VPS13B: variants seen among roughly 807,000 people sequenced by gnomAD.
The protein encoded by VPS13B is intermembrane lipid transfer protein VPS13B.
A neutral mutation model predicts 426.4 loss-of-function variants in VPS13B; 285 were observed. The ratio of observed to expected loss-of-function variants is 0.67; its 90% CI spans 0.61 to 0.74. The LOEUF (loss-of-function observed/expected upper bound fraction) is 0.74, where lower values mean the gene tolerates loss of function less well. Ranked by LOEUF, VPS13B falls within the 30% of genes least tolerant of loss-of-function variation. VPS13B has a pLI of 0.00. For synonymous variants in VPS13B, 1,676 were observed against 1,676.4 expected (o/e 1.00, Z 0.01); for missense variants, 4,537 against 4,782.6 (o/e 0.95, Z 1.51).
intron 19 of VPS13B, among the ~76,000 whole-genome samples, chr8:99,279,732 A>C (rs1174498747): frequency 1.3e-5 from 2 of 152,244 alleles, no homozygotes; most frequent in East Asian, 1.9e-4. Flanking sequence ...CATGAATTCT[A>C]TCAGCTTAGA....
chr8:99,164,714 CTTT>C (rs1485004656), intron 15 of VPS13B, among the ~76,000 whole-genome samples: 1 of 135,990 alleles, frequency 7.4e-6, no homozygotes, highest in African/African-American at 2.9e-5. Context: ...TCGACTTCTT[CTTT>C]GTCTCTTCTT....
At chr8:99,836,246 A>G (rs924085183) in intron 54 of VPS13B, among the ~76,000 whole-genome samples, 1 of 152,188 alleles carries the variant, frequency 6.6e-6, no homozygotes, top group Non-Finnish European at 1.5e-5. Flanking sequence ...TTTTGTTGAA[A>G]ATGGCATAAG....
intron 50 of VPS13B, 106 bp downstream of exon 50, chr8:99,821,588 T>C: frequency 1.5e-6 from 2 of 1,302,968 alleles, no homozygotes; most frequent in Non-Finnish European, 2.2e-6. Flanking sequence ...ATATTACTTC[T>C]TCTAAACAAT....
chr8:99,192,715 T>A (rs1180991534), intron 16 of VPS13B, among the ~76,000 whole-genome samples, 161 bp from the exon 17 acceptor site: 3 of 152,224 alleles, frequency 2.0e-5, no homozygotes, highest in Non-Finnish European at 4.4e-5. Flanking sequence ...ATAGTGGAAC[T>A]TAAAGTTAGC....
At chr8:99,541,951 C>T (rs1327213059) in intron 30 of VPS13B, among the ~76,000 whole-genome samples, 1 of 152,170 alleles carries the variant, frequency 6.6e-6, no homozygotes, top group Non-Finnish European at 1.5e-5. Context: ...TCTAGAACCT[C>T]CACTTGCAGG....
At chr8:99,404,725 A>G (rs1271882717) in intron 21 of VPS13B, among the ~76,000 whole-genome samples, 1 of 152,324 alleles carries the variant, frequency 6.6e-6, no homozygotes, top group East Asian at 1.9e-4. Context: ...TTAGGAAGGT[A>G]TAGTATATAA....
At chr8:99,030,135 C>CTTTTTTTTTTTTT (rs58542671) in intron 2 of VPS13B, among the ~76,000 whole-genome samples, 4 of 75,744 alleles carry the variant, frequency 5.3e-5, no homozygotes, top group Non-Finnish European at 9.6e-5. Context: ...AAAATACATG[C>CTTTTTTTTTTTTT]TTTTTTTTTT....
At chr8:99,763,135 CAAAAAAA>C (rs750289763) in intron 39 of VPS13B, among the ~76,000 whole-genome samples, 8,683 of 35,014 alleles carry the variant, frequency 0.25, 312 homozygotes, top group East Asian at 0.42. Flanking sequence ...GACCTTGTCT[CAAAAAAA>C]AAAAAAAAAA....
intron 17 of VPS13B, among the ~76,000 whole-genome samples, chr8:99,238,241 AGTGTGTGTGTGT>A (rs199541620): frequency 2.0e-5 from 3 of 149,936 alleles, no homozygotes; most frequent in Admixed American, 1.3e-4. Flanking sequence ...AGTTTGTGGG[AGTGTGTGTGTGT>A]GTGTGTGTGT....
At chr8:99,462,521 A>G (rs1024697285) in intron 23 of VPS13B, among the ~76,000 whole-genome samples, 2 of 151,988 alleles carry the variant, frequency 1.3e-5, no homozygotes, top group Non-Finnish European at 2.9e-5. Context: ...CTTCCTATGT[A>G]CAGCTTTCCT....
chr8:99,075,664 A>G (rs1334206806), intron 3 of VPS13B, among the ~76,000 whole-genome samples: 1 of 152,144 alleles, frequency 6.6e-6, no homozygotes, highest in Non-Finnish European at 1.5e-5. Context: ...TAAGTTTGTT[A>G]GTATACGGTT....
At chr8:99,194,854 C>A (rs1186002696) in intron 17 of VPS13B, among the ~76,000 whole-genome samples, 13 of 151,442 alleles carry the variant, frequency 8.6e-5, no homozygotes, top group Admixed American at 7.2e-4. Flanking sequence ...TTTCTTTTTT[C>A]TTTTTTTTGT....
Position 99,721,119 on chromosome 8 carries a change from T to C in VPS13B, c.7050+72T>C, listed in dbSNP as rs1240780084. ...GCTGATCATATATTAGGAAAAATGT[T>C]TGGAACATACTTACTTCTTACATTA... On this transcript the variant is annotated intron_variant, in intron 39 of 61. Coordinates refer to ENST00000357162, the MANE Select transcript of VPS13B (RefSeq NM_152564.5). 7 of 1,490,588 alleles carry C rather than the reference T, an allele frequency of 4.7e-6. No homozygotes were observed. The African/African-American group carries it at 8.3e-5, about 18-fold the overall frequency. 92.3% of individuals were successfully genotyped at this position (1,490,588 alleles called of 1,614,324 possible). A position where few individuals can be genotyped will look rare whatever the true frequency, so the allele number is the denominator to read the frequency against.
In VPS13B at chr8:99,640,043, G is replaced by GAAGAAGAAGAAGAGAA. The variant is rs372915682; in HGVS notation, c.5221-1761_5221-1760insAGAAGAGAAAAGAAGA. On this transcript the variant is annotated intron_variant, in intron 33 of 61. Coordinates refer to ENST00000357162, the MANE Select transcript of VPS13B (RefSeq NM_152564.5). ...ATAATAATAAGAAGAAGAAGAAGAAGAAGAAGAGAAAAGAAAAGAAAAGAA... is the reference window on the plus strand; with the variant it reads ...ATAATAATAAGAAGAAGAAGAAGAAGAAGAAGAAGAAGAGAAAAGAAGAGAAAAGAAAAGAAAAGAA... 4.1e-3 allele frequency among the ~76,000 whole-genome samples: 339 copies of GAAGAAGAAGAAGAGAA among 82,160 alleles called. 5 individuals are homozygous for GAAGAAGAAGAAGAGAA. The highest frequency in any genetic ancestry group is 0.02 in the Middle Eastern group (4 of 196). 53.9% of individuals were successfully genotyped at this position (82,160 alleles called of 152,430 possible).
intron 39 of VPS13B, among the ~76,000 whole-genome samples, chr8:99,750,507 TAGA>T (rs1406559931): frequency 7.2e-5 from 11 of 152,088 alleles, no homozygotes; most frequent in South Asian, 6.2e-4. Flanking sequence ...TAAAATGAAA[TAGA>T]AGAAGATTAT....
intron 17 of VPS13B, among the ~76,000 whole-genome samples, chr8:99,255,543 G>T (rs1394616676): frequency 6.6e-6 from 1 of 152,178 alleles, no homozygotes; most frequent in East Asian, 1.9e-4. Flanking sequence ...GCAGTGGAAG[G>T]GAACATGCCT....
At chr8:99,380,583 A>G (rs1321258009) in intron 19 of VPS13B, among the ~76,000 whole-genome samples, 2 of 152,108 alleles carry the variant, frequency 1.3e-5, no homozygotes, top group Non-Finnish European at 2.9e-5. Flanking sequence ...AAATAGAACT[A>G]CATGGTAGAA....
chr8:99,556,655 T>C lies in VPS13B; in HGVS notation c.4949+2T>C, dbSNP rs761273297. 4.3e-6 allele frequency: 7 copies of C among 1,612,444 alleles called. No individual in the cohort carries two copies. Among genetic ancestry groups the C allele is most frequent in the Non-Finnish European group, 3.4e-6 (4 of 1,179,132 alleles). The stretch of plus-strand genomic sequence containing the variant: ...CCTTGAGTGGAATATGGCCAGCAGG[T>C]AGGAAATGATTGAGAAACTTTCTAC... On this transcript the variant is annotated splice_donor_variant, in intron 31 of 61. Transcript: ENST00000357162. LOFTEE classifies it high-confidence loss of function.
At chr8:99,786,560 A>G (rs528034438) in intron 43 of VPS13B, among the ~76,000 whole-genome samples, 57 of 152,152 alleles carry the variant, frequency 3.7e-4, no homozygotes, top group Non-Finnish European at 6.6e-4. Flanking sequence ...TAGTCCAAGT[A>G]TGAACCCTTG....
Sources: allele counts gnomAD v4.1 joint callset (sites outside exome capture counted in the v4.1 genomes callset), GRCh38; gene constraint gnomAD v4.1.1; transcripts MANE v1.5; gene names NCBI Gene and HGNC (gene_info 2026-07-23, HGNC 2026-07-21).